The following MROH9 variants were observed in gnomAD, a reference collection of about 807,000 sequenced individuals.
MROH9 encodes maestro heat-like repeat-containing protein family member 9.
Under a neutral mutation model 98.2 loss-of-function variants are expected in MROH9, and 92 were observed. The observed-to-expected ratio is 0.94, with a 90% CI of 0.79 to 1.11. The LOEUF is 1.11. MROH9 is among the 50% of genes most tolerant of loss of function. The pLI is 0.00. For missense variants in MROH9, 1,057 were observed against 1,014.8 expected, an observed-to-expected ratio of 1.04 and a Z score of -0.57; for synonymous variants, 397 against 368.9, an observed-to-expected ratio of 1.08 and a Z score of -0.87.
chr1:170,973,791 C>T (rs1019663223), intron 8 of MROH9, among the ~76,000 whole-genome samples: 23 of 152,138 alleles, frequency 1.5e-4, no homozygotes, highest in African/African-American at 5.6e-4. Flanking sequence ...AGGAGAATTG[C>T]TTGAACCTGG....
chr1:170,940,261 G>A (rs536960290), intron 1 of MROH9, among the ~76,000 whole-genome samples: 193 of 152,244 alleles, frequency 1.3e-3, no homozygotes, highest in African/African-American at 4.4e-3. Flanking sequence ...GAGATAGAAG[G>A]CCTCTGAATT....
At chr1:170,965,637 G>A (rs150734294) in intron 7 of MROH9, among the ~76,000 whole-genome samples, 177 of 152,008 alleles carry the variant, frequency 1.2e-3, no homozygotes, top group African/African-American at 4.0e-3. Flanking sequence ...ATTTATACAA[G>A]TAATCCTCAA....
intron 20 of MROH9, among the ~76,000 whole-genome samples, chr1:171,047,711 T>G (rs565701337): frequency 2.6e-5 from 4 of 152,210 alleles, no homozygotes; most frequent in Non-Finnish European, 4.4e-5. Flanking sequence ...ATGGTGTTGA[T>G]GATAGCAGAT....
chr1:170,965,850 G>A (rs1235385923), intron 7 of MROH9, among the ~76,000 whole-genome samples: 1 of 151,842 alleles, frequency 6.6e-6, no homozygotes, highest in Non-Finnish European at 1.5e-5. Context: ...ATTCACATAT[G>A]GTTCTACAAT....
At chr1:170,999,691 C>A (rs1216750653) in intron 15 of MROH9, among the ~76,000 whole-genome samples, 1 of 152,016 alleles carries the variant, frequency 6.6e-6, no homozygotes, top group Non-Finnish European at 1.5e-5. Context: ...GGGTAGATAT[C>A]CAGTAGTGAG....
At chr1:170,947,436 A>T (rs1649374075) in intron 2 of MROH9, 91 bp from the exon 3 acceptor site, 1 of 1,034,454 alleles carries the variant, frequency 9.7e-7, no homozygotes, top group Non-Finnish European at 1.5e-6. Context: ...CATCAAGGTC[A>T]TAGTAGCTTC....
chr1:170,973,356 C>T (rs1329069224), intron 8 of MROH9, among the ~76,000 whole-genome samples: 1 of 152,120 alleles, frequency 6.6e-6, no homozygotes, highest in East Asian at 1.9e-4. Flanking sequence ...TTCACAAGTA[C>T]CGAGGTACAG....
chr1:171,017,342 G>A (rs145294358), intron 17 of MROH9, among the ~76,000 whole-genome samples: 390 of 152,348 alleles, frequency 2.6e-3, no homozygotes, highest in African/African-American at 9.0e-3. Flanking sequence ...ACAGCCACAC[G>A]GGCCAGGGGA....
intron 20 of MROH9, among the ~76,000 whole-genome samples, chr1:171,041,408 T>TACACACACACACAC (rs137951871): frequency 2.9e-5 from 3 of 102,972 alleles, no homozygotes; most frequent in East Asian, 4.0e-4. Context: ...TCAAGATACA[T>TACACACACACACAC]ACACACACAC....
chr1:171,040,425 A>G (rs891870202), intron 20 of MROH9, among the ~76,000 whole-genome samples: 5 of 152,138 alleles, frequency 3.3e-5, no homozygotes, highest in African/African-American at 1.2e-4. Flanking sequence ...TGTGTGTTAC[A>G]CACAAAAAGG....
intron 3 of MROH9, among the ~76,000 whole-genome samples, chr1:170,949,609 G>T (rs2101876254): frequency 6.6e-6 from 1 of 152,132 alleles, no homozygotes; most frequent in South Asian, 2.1e-4. Flanking sequence ...CTGCACCTGG[G>T]TCAAGTGGGC....
At chr1:171,039,962 A>C (rs1309065290) in intron 20 of MROH9, among the ~76,000 whole-genome samples, 2 of 152,100 alleles carry the variant, frequency 1.3e-5, no homozygotes, top group East Asian at 3.9e-4. Context: ...TTACTAAAGC[A>C]AAGAAAAAAT....
chr1:170,975,448 G>T (rs1242118074), intron 8 of MROH9, among the ~76,000 whole-genome samples: 2 of 152,030 alleles, frequency 1.3e-5, no homozygotes, highest in Non-Finnish European at 2.9e-5. Context: ...ATAGATTTAG[G>T]GGGTACAAAT....
chr1:170,999,107 T>C (rs1302065795), intron 15 of MROH9, among the ~76,000 whole-genome samples: 1 of 152,174 alleles, frequency 6.6e-6, no homozygotes, highest in Non-Finnish European at 1.5e-5. Flanking sequence ...GACTATTCTT[T>C]GCCCGGTGTC....
intron 21 of MROH9, among the ~76,000 whole-genome samples, 187 bp downstream of exon 21, chr1:171,062,381 T>A (rs1308846094): frequency 6.6e-6 from 1 of 152,174 alleles, no homozygotes; most frequent in Non-Finnish European, 1.5e-5. Context: ...TTTTTTCTCT[T>A]TCTATTCTAT....
Position 171,014,254 on chromosome 1 carries a change from G to C in MROH9, c.1734G>C (p.Lys578Asn), listed in dbSNP as rs554915861. ...TCCACATGTCACCAATTATCAATAA[G>C]GTATGTGTATGTGATTTGTGTCTGC... ...RIVHMSPIIN[K>N]TENVSSILIA... is the part of the protein sequence containing the mutation. Residue 578 changes from lysine (K) to asparagine (N), a missense_variant and splice_region_variant, in exon 16 of 22, where the codon AAG (lysine) becomes AAC (asparagine). Transcript: ENST00000367759. 6.5e-7 allele frequency: 1 copy of C among 1,549,076 alleles called. No homozygotes were observed. The highest frequency in any genetic ancestry group is 1.2e-5 in the South Asian group (1 of 83,736).
In MROH9 at chr1:171,064,402, C is replaced by T. The variant is rs17346404; in HGVS notation, c.*62C>T. On this transcript the variant is annotated 3_prime_UTR_variant, in exon 22 of 22. Coordinates refer to ENST00000367759, the MANE Select transcript of MROH9 (RefSeq NM_001163629.2). Reference sequence around the variant, plus strand: ...TGGGAAGTCCAACAATGTCTTGGAGCTGACCTTAGAAGAAGAATGATTTTT... The same window carrying T: ...TGGGAAGTCCAACAATGTCTTGGAGTTGACCTTAGAAGAAGAATGATTTTT... 0.11 allele frequency: 152,547 copies of T among 1,433,912 alleles called. 8,801 individuals carry two copies. The highest frequency in any genetic ancestry group is 0.17 in the Middle Eastern group (704 of 4,234). The allele number at this position is 1,433,912 out of a possible 1,614,324, so 88.8% of individuals were successfully genotyped here.
intron 8 of MROH9, among the ~76,000 whole-genome samples, chr1:170,975,962 A>G (rs1650669544): frequency 6.6e-6 from 1 of 152,146 alleles, no homozygotes. Context: ...GCCTGAGATT[A>G]GGTTTGCAAC....
Position 171,062,264 on chromosome 1 carries a change from C to A in MROH9, c.2344+70C>A. 5 of 1,123,620 alleles carry A rather than the reference C, an allele frequency of 4.4e-6. 1 individual carries two copies. Among genetic ancestry groups the A allele is most frequent in the South Asian group, 4.2e-5 (3 of 71,698 alleles). The allele number at this position is 1,123,620 out of a possible 1,614,324, so 69.6% of individuals were successfully genotyped here. ...TACATTTACTATTTTTAATTCTAGTCACATATGAGTTCTGTTAGAGTGCCA... is the reference window on the plus strand; with the variant it reads ...TACATTTACTATTTTTAATTCTAGTAACATATGAGTTCTGTTAGAGTGCCA... On this transcript the variant is annotated intron_variant, in intron 21 of 21. Coordinates refer to ENST00000367759, the MANE Select transcript of MROH9 (RefSeq NM_001163629.2).
Sources: gnomAD v4.1 joint callset for allele counts (sites outside exome capture counted in the v4.1 genomes callset) on GRCh38, gnomAD v4.1.1 for gene constraint, MANE v1.5 for transcripts, NCBI Gene and HGNC (gene_info 2026-07-23, HGNC 2026-07-21) for gene names.